The following DIAPH2 variants were observed in gnomAD, a reference collection of about 807,000 sequenced individuals.
DIAPH2 encodes the protein diaphanous related formin 2.
Under a neutral mutation model 92.7 loss-of-function variants are expected in DIAPH2, and 35 were observed. The ratio of observed to expected loss-of-function variants is 0.38; its 90% CI spans 0.29 to 0.50. The LOEUF is 0.50. DIAPH2 is among the 20% of genes least tolerant of loss of function. The pLI is 0.94. For synonymous variants in DIAPH2, 301 were observed against 280.4 expected, an observed-to-expected ratio of 1.07 and a Z score of -0.73; for missense variants, 701 against 819.5, an observed-to-expected ratio of 0.86 and a Z score of 1.77.
chrX:97,389,465 CAAAAAAAAAAA>C (rs1164301048), intron 25 of DIAPH2, among the ~76,000 whole-genome samples: 2 of 34,551 alleles, frequency 5.8e-5, no homozygotes, highest in Middle Eastern at 0.02. Flanking sequence ...GACTCTGTCT[CAAAAAAAAAAA>C]AAAAAAAAAA....
At chrX:96,718,038 A>T (rs764429541) in intron 1 of DIAPH2, among the ~76,000 whole-genome samples, 41 of 106,118 alleles carry the variant, frequency 3.9e-4, no homozygotes, top group African/African-American at 1.3e-3. Flanking sequence ...CAAATACTAG[A>T]TCTTAATTAT....
intron 5 of DIAPH2, among the ~76,000 whole-genome samples, chrX:96,886,910 TC>T (rs1474420002): frequency 6.7e-5 from 5 of 74,138 alleles, no homozygotes; most frequent in African/African-American, 3.2e-4. Flanking sequence ...GGAAAAAAAC[TC>T]TTTTTTTTTT....
At chrX:97,262,748 C>T (rs942239153) in intron 23 of DIAPH2, among the ~76,000 whole-genome samples, 2 of 111,422 alleles carry the variant, frequency 1.8e-5, no homozygotes, top group Non-Finnish European at 3.8e-5. Flanking sequence ...TAGGAGCCAT[C>T]GCCATGGAAA....
At chrX:97,290,337 A>G (rs1333662577) in intron 23 of DIAPH2, among the ~76,000 whole-genome samples, 1 of 111,451 alleles carries the variant, frequency 9.0e-6, no homozygotes, top group Non-Finnish European at 1.9e-5. Context: ...AAGGTTGTTT[A>G]GCATAATTGA....
At chrX:96,788,516 G>A (rs1055033676) in intron 4 of DIAPH2, among the ~76,000 whole-genome samples, 1 of 110,351 alleles carries the variant, frequency 9.1e-6, no homozygotes, top group African/African-American at 3.3e-5. Flanking sequence ...CTCCCAACCC[G>A]TCCCCACCCT....
At position 97,144,748 on chromosome X, in the gene DIAPH2, A is replaced by ATTTC. The variant is rs199738516; in HGVS notation, c.2719+2982_2719+2985dup. On this transcript the variant is annotated intron_variant, in intron 22 of 26. Coordinates refer to ENST00000324765, the MANE Select transcript of DIAPH2 (RefSeq NM_006729.5). ...CAGCCTTTTGGGTTAGACACTATAA[A>ATTTC]TTTCTTTCTTTCTTTCTTTCTTTCT... Among the ~76,000 whole-genome samples the ATTTC allele has an allele frequency of 5.7e-3, 589 of 104,127 alleles. 2 individuals carry two copies. Among genetic ancestry groups the ATTTC allele is most frequent in the African/African-American group, 0.019 (553 of 28,875 alleles). The allele number at this position is 104,127 out of a possible 115,157, so 90.4% of individuals were successfully genotyped here.
chrX:97,012,196 G>T (rs1484634829), intron 17 of DIAPH2, among the ~76,000 whole-genome samples: 1 of 111,719 alleles, frequency 9.0e-6, no homozygotes. Flanking sequence ...ACATACAATC[G>T]TAGTGCTGAA....
At chrX:97,410,816 T>C (rs1372243046) in intron 25 of DIAPH2, among the ~76,000 whole-genome samples, 1 of 111,347 alleles carries the variant, frequency 9.0e-6, no homozygotes, top group Non-Finnish European at 1.9e-5. Flanking sequence ...TGATTGAAGA[T>C]CAAATTAATG....
intron 5 of DIAPH2, among the ~76,000 whole-genome samples, chrX:96,894,962 T>C (rs954738211): frequency 9.6e-6 from 1 of 103,684 alleles, no homozygotes; most frequent in Non-Finnish European, 2.0e-5. Flanking sequence ...ATATACAGAT[T>C]AGTTTTTCTT....
intron 1 of DIAPH2, among the ~76,000 whole-genome samples, chrX:96,706,729 C>G (rs1406428108): frequency 9.0e-6 from 1 of 111,072 alleles, no homozygotes; most frequent in Non-Finnish European, 1.9e-5. Context: ...ATGACAGACT[C>G]CTGGGTGTAT....
chrX:97,065,176 G>A (rs866618817), intron 17 of DIAPH2, among the ~76,000 whole-genome samples: 1 of 111,569 alleles, frequency 9.0e-6, no homozygotes, highest in Admixed American at 9.6e-5. Flanking sequence ...ATTCGTGACA[G>A]GAATTCTGAC....
intron 23 of DIAPH2, among the ~76,000 whole-genome samples, chrX:97,256,416 G>A (rs949974615): frequency 1.3e-4 from 15 of 112,205 alleles, no homozygotes; most frequent in Non-Finnish European, 2.4e-4. Flanking sequence ...GGTATCTTAA[G>A]CATACATAGT....
At chrX:97,491,330 A>G (rs1289675416) in intron 26 of DIAPH2, among the ~76,000 whole-genome samples, 2 of 112,166 alleles carry the variant, frequency 1.8e-5, no homozygotes, top group Non-Finnish European at 1.9e-5. Flanking sequence ...TATAGGTAGC[A>G]TATAATTAGA....
In DIAPH2 at chrX:96,684,996, G is replaced by A. The variant is rs761284998; in HGVS notation, c.-63G>A. 7.4e-6 allele frequency: 7 copies of A among 947,663 alleles called. No individual in the cohort carries two copies. Among genetic ancestry groups the A allele is most frequent in the Non-Finnish European group, 9.3e-6 (7 of 755,156 alleles). The allele number at this position is 947,663 out of a possible 1,213,427, so 78.1% of individuals were successfully genotyped here. On this transcript the variant is annotated 5_prime_UTR_variant, in exon 1 of 27. Coordinates refer to ENST00000324765, the MANE Select transcript of DIAPH2 (RefSeq NM_006729.5). ...CAGCGCGGGGCAGTGTGAGCGCCCC[G>A]AGGTGCTTTCTCAGTTGAGGAGAGG...
intron 26 of DIAPH2, among the ~76,000 whole-genome samples, chrX:97,550,782 A>G (rs1332754244): frequency 8.9e-6 from 1 of 112,071 alleles, no homozygotes; most frequent in African/African-American, 3.3e-5. Flanking sequence ...TCAATATTTC[A>G]TACCTTTATT....
At chrX:96,846,143 CT>C (rs10564194) in intron 4 of DIAPH2, among the ~76,000 whole-genome samples, 6,048 of 92,780 alleles carry the variant, frequency 0.065, 190 homozygotes, top group Middle Eastern at 0.15. Context: ...TAGCGTTATA[CT>C]TTTTTTTTTT....
At chrX:97,561,803 AGT>A (rs753325266) in intron 26 of DIAPH2, among the ~76,000 whole-genome samples, 10 of 112,703 alleles carry the variant, frequency 8.9e-5, no homozygotes, top group African/African-American at 2.9e-4. Context: ...ACATCATCAG[AGT>A]GGCTTGTGCT....
At chrX:97,164,606 A>C (rs2067398583) in intron 22 of DIAPH2, among the ~76,000 whole-genome samples, 1 of 112,518 alleles carries the variant, frequency 8.9e-6, no homozygotes, top group African/African-American at 3.2e-5. Context: ...CACATGTGTG[A>C]CTTTTAACTT....
intron 26 of DIAPH2, among the ~76,000 whole-genome samples, chrX:97,574,549 A>G (rs1233797259): frequency 1.8e-5 from 2 of 111,859 alleles, no homozygotes; most frequent in Non-Finnish European, 3.8e-5. Flanking sequence ...TATAAAGCTC[A>G]AGCTGAATCT....
Sources: gnomAD v4.1 joint callset for allele counts (sites outside exome capture counted in the v4.1 genomes callset) on GRCh38, gnomAD v4.1.1 for gene constraint, MANE v1.5 for transcripts, NCBI Gene and HGNC (gene_info 2026-07-23, HGNC 2026-07-21) for gene names.